The following ZFHX3 variants were observed in gnomAD, a reference collection of about 807,000 sequenced individuals.
The protein encoded by ZFHX3 is zinc finger homeobox protein 3.
ZFHX3 carries 42 observed loss-of-function variants against 279.1 expected under a neutral mutation model. That is an observed-to-expected ratio of 0.15 (90% CI 0.12 to 0.19). ZFHX3 has a LOEUF of 0.19. Among genes scored for constraint, ZFHX3 ranks in the 10% least tolerant of loss-of-function variants. The pLI is 1.00. For synonymous variants in ZFHX3, 2,293 were observed against 1,957.8 expected (o/e 1.17, Z -4.52); for missense variants, 4,981 against 4,754.0 (o/e 1.05, Z -1.40).
chr16:73,304,799 C>G (rs2015142055), intron 4 of ZFHX3, among the ~76,000 whole-genome samples: 1 of 152,180 alleles, frequency 6.6e-6, no homozygotes, highest in African/African-American at 2.4e-5. Flanking sequence ...AGAGCAGCCT[C>G]CATAAATCTG....
intron 2 of ZFHX3, among the ~76,000 whole-genome samples, chr16:73,530,250 C>T (rs564282563): frequency 6.6e-6 from 1 of 152,224 alleles, no homozygotes; most frequent in South Asian, 2.1e-4. Flanking sequence ...ACCATGAGAA[C>T]AGTATGGGGG....
chr16:72,930,075 A>C (rs994341679), intron 3 of ZFHX3, among the ~76,000 whole-genome samples: 2 of 152,104 alleles, frequency 1.3e-5, no homozygotes, highest in Non-Finnish European at 2.9e-5. Context: ...AAAATTAGCC[A>C]GGCGTGGTGG....
rs533587665 is a variant in ZFHX3 at position 73,636,562 on chromosome 16, A to C, written c.-1547+43618T>G. Among the ~76,000 whole-genome samples the C allele has an allele frequency of 2.6e-5, 4 of 152,316 alleles. No homozygotes were observed. In the East Asian group the frequency reaches 7.7e-4, roughly 29 times the overall value. ...AATGAAACCTGTTCAACAAGGTGGGAAATTGTAAAATGCAGTTAATTTAAA... is the reference window on the plus strand; with the variant it reads ...AATGAAACCTGTTCAACAAGGTGGGCAATTGTAAAATGCAGTTAATTTAAA... On this transcript the variant is annotated intron_variant, in intron 2 of 17. Coordinates refer to the ZFHX3 transcript ENST00000641206.
intron 5 of ZFHX3, among the ~76,000 whole-genome samples, chr16:73,189,008 C>T (rs539881267): frequency 1.5e-4 from 23 of 152,042 alleles, no homozygotes; most frequent in East Asian, 9.7e-4. Flanking sequence ...GGATTACAGG[C>T]GCAAGCTACC....
chr16:73,663,102 G>GT (rs2052802320), intron 2 of ZFHX3, among the ~76,000 whole-genome samples: 1 of 152,228 alleles, frequency 6.6e-6, no homozygotes, highest in Non-Finnish European at 1.5e-5. Context: ...GTTGGGTTGA[G>GT]TGGGGGAGGA....
chr16:73,823,173 C>A (rs1960799208), intron 1 of ZFHX3, among the ~76,000 whole-genome samples: 1 of 152,110 alleles, frequency 6.6e-6, no homozygotes, highest in East Asian at 1.9e-4. Context: ...ATGAGGAAAT[C>A]TTACCAAATC....
At chr16:73,877,040 A>G (rs2029971653) in intron 1 of ZFHX3, among the ~76,000 whole-genome samples, 1 of 147,508 alleles carries the variant, frequency 6.8e-6, no homozygotes, top group South Asian at 2.1e-4. Flanking sequence ...ATGACTTTCA[A>G]AAAAAAAAAA....
chr16:72,788,151 A>C lies in ZFHX3; in HGVS notation c.10125T>G (p.Ile3375Met), dbSNP rs749328461. Residue 3375 changes from isoleucine to methionine, a missense_variant, in exon 10 of 10, where the codon ATT (isoleucine) becomes ATG (methionine). This residue lies in a region of ZFHX3 where 1,034 missense variants were observed against 786.0 expected (regional missense o/e 1.32). Transcript: ENST00000268489. ...QQYQQSLQEA[I>M]QQQQQRQLQQ... ...GTAGTTGCCGCTGCTGCTGCTGCTG[A>C]ATTGCCTCCTGCAGACTCTGCTGGT... 1.2e-5 allele frequency: 20 copies of C among 1,611,188 alleles called. No individual in the cohort carries two copies. Among genetic ancestry groups the C allele is most frequent in the East Asian group, 4.5e-5 (2 of 44,748 alleles).
chr16:72,789,249 T>G (rs765983664), intron 9 of ZFHX3: 40 of 167,624 alleles, frequency 2.4e-4, no homozygotes, highest in Non-Finnish European at 4.8e-4. Flanking sequence ...GATTCAGTCC[T>G]GGCTAGCTCC....
rs1567600485 is a variant in ZFHX3 at position 72,950,609 on chromosome 16, C to T, written c.3076G>A (p.Glu1026Lys). 3 of 1,614,228 alleles carry T rather than the reference C, an allele frequency of 1.9e-6. No homozygotes were observed. The highest frequency in any genetic ancestry group is 1.3e-5 in the African/African-American group (1 of 75,042). ...AHIKEGGKAN[E>K]WRLKCVAIGN... Reference sequence around the variant, plus strand: ...ATGGCCACACACTTGAGCCTCCACTCGTTGGCCTTGCCGCCCTCCTTGATG... The same window carrying T: ...ATGGCCACACACTTGAGCCTCCACTTGTTGGCCTTGCCGCCCTCCTTGATG... Residue 1026 changes from glutamate to lysine, a missense_variant, in exon 3 of 10, where the codon GAG becomes AAG. This residue lies in a region of ZFHX3 where 1,751 missense variants were observed against 1,770.0 expected (regional missense o/e 0.99). Coordinates refer to ENST00000268489, the MANE Select transcript of ZFHX3 (RefSeq NM_006885.4).
intron 1 of ZFHX3, among the ~76,000 whole-genome samples, chr16:72,970,449 A>G (rs1275653073): frequency 2.0e-5 from 3 of 152,122 alleles, no homozygotes; most frequent in Admixed American, 2.0e-4. Context: ...CCACAACAAG[A>G]AAGACAAGCA....
intron 2 of ZFHX3, among the ~76,000 whole-genome samples, chr16:73,604,426 C>T (rs1267607638): frequency 6.6e-6 from 1 of 152,086 alleles, no homozygotes; most frequent in African/African-American, 2.4e-5. Flanking sequence ...ATCAGATACG[C>T]CTTAGCTTAG....
intron 5 of ZFHX3, among the ~76,000 whole-genome samples, chr16:72,819,955 C>T (rs1217980142): frequency 6.6e-6 from 1 of 152,222 alleles, no homozygotes; most frequent in Non-Finnish European, 1.5e-5. Flanking sequence ...AGGGCAAATA[C>T]CTGTGGGCTC....
At chr16:73,515,293 C>T (rs1446002562) in intron 2 of ZFHX3, among the ~76,000 whole-genome samples, 1 of 152,166 alleles carries the variant, frequency 6.6e-6, no homozygotes, top group Non-Finnish European at 1.5e-5. Flanking sequence ...GCAAGACACA[C>T]CACCTTCAAT....
chr16:72,817,222 T>C (rs921109139), intron 5 of ZFHX3, among the ~76,000 whole-genome samples: 3 of 152,236 alleles, frequency 2.0e-5, no homozygotes, highest in African/African-American at 7.2e-5. Flanking sequence ...AAACCATTCT[T>C]GCTAGAACAA....
chr16:73,424,134 T>C (rs1226476472), intron 3 of ZFHX3, among the ~76,000 whole-genome samples: 1 of 152,172 alleles, frequency 6.6e-6, no homozygotes, highest in Non-Finnish European at 1.5e-5. Flanking sequence ...TGTTTCATAT[T>C]ATTTAAGCCA....
chr16:73,236,989 T>C (rs1011923900), intron 5 of ZFHX3, among the ~76,000 whole-genome samples: 1 of 152,172 alleles, frequency 6.6e-6, no homozygotes, highest in African/African-American at 2.4e-5. Context: ...GTGCAGGGCT[T>C]TCCAATTTCC....
chr16:73,140,898 C>T (rs539748891), intron 6 of ZFHX3, among the ~76,000 whole-genome samples: 5 of 152,152 alleles, frequency 3.3e-5, no homozygotes, highest in Non-Finnish European at 5.9e-5. Flanking sequence ...GGGAGAGAAA[C>T]CTTGGCTTTA....
chr16:73,555,662 C>T (rs1256960515), intron 2 of ZFHX3, among the ~76,000 whole-genome samples: 1 of 151,606 alleles, frequency 6.6e-6, no homozygotes, highest in Non-Finnish European at 1.5e-5. Context: ...GAAACCCCAT[C>T]TCTACTAAAA....
Sources: allele counts gnomAD v4.1 joint callset (sites outside exome capture counted in the v4.1 genomes callset), GRCh38; gene constraint gnomAD v4.1.1; regional missense constraint gnomAD v4.1.1; transcripts MANE v1.5; gene names NCBI Gene and HGNC (gene_info 2026-07-23, HGNC 2026-07-21).